The following RMDN2 variants were observed in gnomAD, a reference collection of about 807,000 sequenced individuals.
The protein encoded by RMDN2 is regulator of microtubule dynamics protein 2.
RMDN2 carries 61 observed loss-of-function variants against 52.8 expected under a neutral mutation model. The observed-to-expected ratio is 1.16, with a 90% CI of 0.94 to 1.43. The LOEUF is 1.43. Among genes scored for constraint, RMDN2 ranks in the 40% most tolerant of loss-of-function variants. The pLI is 0.00. For missense variants in RMDN2, 592 were observed against 475.3 expected (o/e 1.25, Z -2.28); for synonymous variants, 180 against 153.1 (o/e 1.18, Z -1.30).
chr2:38,004,048 A>T lies in RMDN2; in HGVS notation c.1098+4A>T. 1 of 1,612,120 alleles carries T rather than the reference A, an allele frequency of 6.2e-7. No homozygotes were observed. Among genetic ancestry groups the T allele is most frequent in the Non-Finnish European group, 8.5e-7 (1 of 1,178,300 alleles). ...CAATTACATGTACTTAGCAAAGGTA[A>T]TGAAGACCACTGTTCTGCTTTAAGA... On this transcript the variant is annotated splice_donor_region_variant and intron_variant, in intron 9 of 10. Transcript: ENST00000354545.
At position 37,971,602 on chromosome 2, in the gene RMDN2, C is replaced by T. The variant is rs189175670; in HGVS notation, c.453-2438C>T. 1.9e-3 allele frequency among the ~76,000 whole-genome samples: 290 copies of T among 151,786 alleles called. 1 individual carries two copies. Among genetic ancestry groups the T allele is most frequent in the African/African-American group, 5.2e-3 (216 of 41,180 alleles). On this transcript the variant is annotated intron_variant, in intron 2 of 10. Coordinates refer to ENST00000354545, the MANE Select transcript of RMDN2 (RefSeq NM_001170791.3). ...TTTCCATAGAGATAACAATTTTTCC[C>T]ATCTGAATGCCTGAATTTCCTACTG...
chr2:38,038,252 GC>G (rs1443904755), intron 10 of RMDN2, among the ~76,000 whole-genome samples: 2 of 152,112 alleles, frequency 1.3e-5, no homozygotes, highest in African/African-American at 2.4e-5. Flanking sequence ...GGAGCGCAGC[GC>G]CCCCCGGGCG....
intron 10 of RMDN2, among the ~76,000 whole-genome samples, chr2:38,013,883 C>T (rs902782409): frequency 6.6e-6 from 1 of 152,156 alleles, no homozygotes; most frequent in Non-Finnish European, 1.5e-5. Flanking sequence ...CTATCCGTGC[C>T]TGGAGAATTA....
At chr2:38,065,742 G>A (rs527315309) in intron 10 of RMDN2, among the ~76,000 whole-genome samples, 5 of 152,214 alleles carry the variant, frequency 3.3e-5, no homozygotes, top group African/African-American at 9.6e-5. Flanking sequence ...GATGGCCCTG[G>A]CTCCAACAAG....
chr2:38,004,657 AC>A (rs1351595183), intron 10 of RMDN2, among the ~76,000 whole-genome samples: 2 of 150,022 alleles, frequency 1.3e-5, no homozygotes, highest in Admixed American at 6.6e-5. Context: ...CCTGACAGCC[AC>A]CCTTCTACTC....
intron 10 of RMDN2, among the ~76,000 whole-genome samples, chr2:38,042,403 C>CCACA (rs140036263): frequency 4.2e-5 from 4 of 94,202 alleles, no homozygotes; most frequent in Non-Finnish European, 7.4e-5. Flanking sequence ...CCTCCCCCCG[C>CCACA]CACACACACA....
intron 4 of RMDN2, among the ~76,000 whole-genome samples, chr2:37,980,228 A>G (rs1206221116): frequency 6.6e-6 from 1 of 152,186 alleles, no homozygotes; most frequent in Non-Finnish European, 1.5e-5. Flanking sequence ...AGATTCTCAG[A>G]ACACAGTTCT....
chr2:37,930,992 C>G (rs114221817), intron 2 of RMDN2, among the ~76,000 whole-genome samples: 4,306 of 151,594 alleles, frequency 0.028, 181 homozygotes, highest in African/African-American at 0.094. Flanking sequence ...ACAGGCCCAG[C>G]GCTGCTACCC....
chr2:37,926,601 T>TA (rs5830511), intron 1 of RMDN2, among the ~76,000 whole-genome samples: 84 of 80,326 alleles, frequency 1.0e-3, no homozygotes, highest in African/African-American at 3.8e-3. Flanking sequence ...AATTACTATA[T>TA]TTTTTTATAC....
chr2:38,063,139 G>T (rs886529156), intron 10 of RMDN2, among the ~76,000 whole-genome samples: 8 of 152,122 alleles, frequency 5.3e-5, no homozygotes, highest in Non-Finnish European at 8.8e-5. Flanking sequence ...ACCCAGTAAT[G>T]GGATTGCTGG....
chr2:37,933,710 G>A lies in RMDN2; in HGVS notation c.452+3981G>A, dbSNP rs576343130. Among the ~76,000 whole-genome samples the A allele has an allele frequency of 4.6e-5, 7 of 152,338 alleles. No homozygotes were observed. In the East Asian group the frequency reaches 1.2e-3, roughly 25 times the overall value. On this transcript the variant is annotated intron_variant, in intron 2 of 10. Transcript: ENST00000354545. ...TCAGGCAGGGAGGTTGCAGTGAGCC[G>A]AGATGGCAGCAGTACCATCCAGCTT...
intron 10 of RMDN2, chr2:38,027,055 T>C (rs1679832910): frequency 6.6e-6 from 1 of 152,290 alleles, no homozygotes; most frequent in East Asian, 1.9e-4. Context: ...CCAGAATATG[T>C]TCTATTTTGG....
At chr2:37,995,979 A>G (rs1258114001) in intron 7 of RMDN2, among the ~76,000 whole-genome samples, 1 of 152,202 alleles carries the variant, frequency 6.6e-6, no homozygotes, top group Non-Finnish European at 1.5e-5. Context: ...AATCAGCGCG[A>G]CTACCTTGGG....
intron 2 of RMDN2, among the ~76,000 whole-genome samples, chr2:37,932,704 C>A (rs1666885635): frequency 6.7e-6 from 1 of 149,080 alleles, no homozygotes; most frequent in African/African-American, 2.5e-5. Flanking sequence ...CCCCCCACCT[C>A]CCTCCCGGAC....
At chr2:37,985,028 T>C (rs563660143) in intron 5 of RMDN2, among the ~76,000 whole-genome samples, 51 of 152,210 alleles carry the variant, frequency 3.4e-4, no homozygotes, top group Non-Finnish European at 6.9e-4. Flanking sequence ...AAGAAGCAGA[T>C]TCCAAAAAAA....
chr2:38,010,748 G>T (rs942399861), intron 10 of RMDN2, among the ~76,000 whole-genome samples: 70 of 152,276 alleles, frequency 4.6e-4, no homozygotes, highest in Admixed American at 1.7e-3. Context: ...TCCCCAGTGA[G>T]ATGCACCCGG....
intron 10 of RMDN2, among the ~76,000 whole-genome samples, chr2:38,010,345 G>T (rs1196945842): frequency 2.0e-5 from 3 of 152,218 alleles, no homozygotes; most frequent in African/African-American, 7.2e-5. Context: ...TCCTTGAGCT[G>T]TGGTGGGCTC....
intron 10 of RMDN2, among the ~76,000 whole-genome samples, chr2:38,034,585 A>C (rs1301126657): frequency 6.6e-6 from 1 of 152,122 alleles, no homozygotes; most frequent in Non-Finnish European, 1.5e-5. Flanking sequence ...AAAGGATTAA[A>C]TTGTATTGTG....
At chr2:38,031,419 C>T (rs995690683) in intron 10 of RMDN2, among the ~76,000 whole-genome samples, 8 of 151,846 alleles carry the variant, frequency 5.3e-5, no homozygotes, top group African/African-American at 1.9e-4. Context: ...AACTACAGGT[C>T]CCTTTCCCAC....
Sources: gnomAD v4.1 joint callset for allele counts (sites outside exome capture counted in the v4.1 genomes callset) on GRCh38, gnomAD v4.1.1 for gene constraint, MANE v1.5 for transcripts, NCBI Gene and HGNC (gene_info 2026-07-23, HGNC 2026-07-21) for gene names.